CHRM3: variants seen among roughly 807,000 people sequenced by gnomAD.
The protein encoded by CHRM3 is cholinergic receptor muscarinic 3.
In CHRM3, 11 loss-of-function variants were observed where a neutral mutation model predicts 41.8. The observed-to-expected ratio is 0.26, with a 90% CI of 0.17 to 0.44. The LOEUF is 0.44. Among genes scored for constraint, CHRM3 ranks in the 20% least tolerant of loss-of-function variants. The probability of loss-of-function intolerance (pLI) is 1.00; values close to 1 mark genes in which losing one functional copy is unlikely to be tolerated. For missense variants in CHRM3, 571 were observed against 745.4 expected, an observed-to-expected ratio of 0.77 and a Z score of 2.72; for synonymous variants, 297 against 301.4, an observed-to-expected ratio of 0.99 and a Z score of 0.15.
chr1:239,618,658 C>T (rs796121694), intron 3 of CHRM3, among the ~76,000 whole-genome samples: 1 of 151,380 alleles, frequency 6.6e-6, no homozygotes, highest in Non-Finnish European at 1.5e-5. Flanking sequence ...TCCTGGCTAA[C>T]ACGGTGAAAC....
In CHRM3 at chr1:239,452,336, T is replaced by A. The variant is rs971895581; in HGVS notation, c.-520-40373T>A. Among the ~76,000 whole-genome samples the A allele has an allele frequency of 2.6e-5, 4 of 152,324 alleles. No individual in the cohort carries two copies. The South Asian group carries it at 8.3e-4, about 32-fold the overall frequency. On this transcript the variant is annotated intron_variant, in intron 1 of 6. Coordinates refer to ENST00000676153, the MANE Select transcript of CHRM3 (RefSeq NM_001375978.1). The stretch of plus-strand genomic sequence containing the variant: ...TACTCTTATTACCCAACCATGAATA[T>A]CTACAGCAATAAGTGGCTGGTGACA...
intron 1 of CHRM3, among the ~76,000 whole-genome samples, chr1:239,423,810 C>T (rs994329568): frequency 1.3e-5 from 2 of 151,976 alleles, no homozygotes; most frequent in Middle Eastern, 3.2e-3. Context: ...CAACCCAGCA[C>T]TTTGTGGGGC....
chr1:239,457,581 T>G (rs1414324682), intron 1 of CHRM3, among the ~76,000 whole-genome samples: 1 of 152,162 alleles, frequency 6.6e-6, no homozygotes, highest in Non-Finnish European at 1.5e-5. Flanking sequence ...TTTGTCTATT[T>G]GCAAGCAAAG....
At chr1:239,630,830 A>C (rs1168585358) in intron 3 of CHRM3, among the ~76,000 whole-genome samples, 1 of 151,640 alleles carries the variant, frequency 6.6e-6, no homozygotes, top group East Asian at 2.0e-4. Context: ...TATAAAGTGC[A>C]TGCATTTCAT....
At chr1:239,394,369 C>G (rs1238436275) in intron 1 of CHRM3, among the ~76,000 whole-genome samples, 2 of 152,196 alleles carry the variant, frequency 1.3e-5, no homozygotes, top group Non-Finnish European at 2.9e-5. Flanking sequence ...TCCTCCACCT[C>G]TTTCACTGTC....
intron 3 of CHRM3, among the ~76,000 whole-genome samples, chr1:239,616,744 G>C (rs936740922): frequency 4.0e-5 from 6 of 151,852 alleles, no homozygotes; most frequent in African/African-American, 1.5e-4. Context: ...ACAGTTTCAG[G>C]AGCTCATTAG....
chr1:239,832,034 T>C (rs1048593691), intron 6 of CHRM3, among the ~76,000 whole-genome samples: 1 of 152,214 alleles, frequency 6.6e-6, no homozygotes, highest in African/African-American at 2.4e-5. Flanking sequence ...GCTTGTGACC[T>C]TTATAGAAAT....
chr1:239,415,781 T>C (rs1661446300), intron 1 of CHRM3, among the ~76,000 whole-genome samples: 1 of 152,208 alleles, frequency 6.6e-6, no homozygotes, highest in Non-Finnish European at 1.5e-5. Context: ...TCTAATCATA[T>C]GTCACTTCAT....
chr1:239,847,017 T>C (rs1368108231), intron 6 of CHRM3, among the ~76,000 whole-genome samples: 1 of 152,208 alleles, frequency 6.6e-6, no homozygotes, highest in African/African-American at 2.4e-5. Context: ...TAAGCTGATA[T>C]GCCATCTCCA....
At chr1:239,508,839 CTT>C (rs1668742253) in intron 2 of CHRM3, among the ~76,000 whole-genome samples, 1 of 152,084 alleles carries the variant, frequency 6.6e-6, no homozygotes, top group African/African-American at 2.4e-5. Flanking sequence ...TTTTTCGTCT[CTT>C]TACGTATTCT....
chr1:239,451,598 GA>G (rs1312469895), intron 1 of CHRM3, among the ~76,000 whole-genome samples: 1 of 152,146 alleles, frequency 6.6e-6, no homozygotes, highest in East Asian at 1.9e-4. Flanking sequence ...TAGAGCACTT[GA>G]AACAGTCTGG....
chr1:239,777,944 G>A (rs1420025073), intron 5 of CHRM3, among the ~76,000 whole-genome samples: 4 of 152,098 alleles, frequency 2.6e-5, no homozygotes, highest in African/African-American at 9.7e-5. Context: ...GGACTATGGG[G>A]ACTCAGGGAG....
intron 2 of CHRM3, among the ~76,000 whole-genome samples, chr1:239,499,656 C>G (rs991404567): frequency 6.6e-6 from 1 of 152,092 alleles, no homozygotes; most frequent in Non-Finnish European, 1.5e-5. Context: ...AGGATCTTCA[C>G]TTAGGCACAT....
At chr1:239,606,330 C>CAT (rs1666271072) in intron 3 of CHRM3, 1 of 151,918 alleles carries the variant, frequency 6.6e-6, no homozygotes, top group African/African-American at 2.4e-5. Flanking sequence ...GGCTGGAGTG[C>CAT]AGTGGCGCAA....
chr1:239,528,807 C>T (rs1218665), intron 2 of CHRM3, among the ~76,000 whole-genome samples: 70,077 of 151,864 alleles, frequency 0.46, 16,970 homozygotes, highest in Middle Eastern at 0.63. Context: ...GCATGAGAAT[C>T]GCTTGAACCT....
intron 3 of CHRM3, among the ~76,000 whole-genome samples, chr1:239,609,627 A>G (rs1043942756): frequency 2.0e-5 from 3 of 152,206 alleles, no homozygotes; most frequent in African/African-American, 7.2e-5. Flanking sequence ...TGACAATTCC[A>G]GTTGCCCCTA....
chr1:239,839,433 G>A (rs1201849316), intron 6 of CHRM3, among the ~76,000 whole-genome samples: 1 of 152,138 alleles, frequency 6.6e-6, no homozygotes, highest in African/African-American at 2.4e-5. Flanking sequence ...AATGCACTAT[G>A]GGGTCTGTAA....
intron 3 of CHRM3, among the ~76,000 whole-genome samples, chr1:239,552,507 T>TTATATATATATATATA (rs113901251): frequency 6.9e-6 from 1 of 145,896 alleles, no homozygotes. Flanking sequence ...AATATATATT[T>TTATATATATATATATA]TATATATATA....
Position 239,888,641 on chromosome 1 carries a change from G to A in CHRM3, c.-19-18792G>A, listed in dbSNP as rs966958595. Among the ~76,000 whole-genome samples, 7 of 151,426 alleles carry A rather than the reference G, an allele frequency of 4.6e-5. No individual in the cohort carries two copies. In the South Asian group the frequency reaches 8.4e-4, roughly 18 times the overall value. On this transcript the variant is annotated intron_variant, in intron 6 of 6. Transcript: ENST00000676153. ...TGGCAATGAAAAATAGACTGAATTA[G>A]GTGGGATCATGTAGCATTGCATCAA...
Sources: gnomAD v4.1 joint callset for allele counts (sites outside exome capture counted in the v4.1 genomes callset) on GRCh38, gnomAD v4.1.1 for gene constraint, MANE v1.5 for transcripts, NCBI Gene and HGNC (gene_info 2026-07-23, HGNC 2026-07-21) for gene names.